Variants in LZTR1 observed in about 807,000 individuals in gnomAD.
The protein encoded by LZTR1 is leucine zipper like post translational regulator 1.
A neutral mutation model predicts 105.7 loss-of-function variants in LZTR1; 260 were observed. The ratio of observed to expected loss-of-function variants is 2.46; its 90% CI spans 2.22 to 2.72. LZTR1 has a LOEUF of 2.72. LZTR1 is among the 30% of genes most tolerant of loss of function. The pLI, the probability that LZTR1 is intolerant of heterozygous loss-of-function variation, is 0.00. For synonymous variants in LZTR1, 490 were observed against 476.4 expected (o/e 1.03, Z -0.37); for missense variants, 1,214 against 1,166.9 (o/e 1.04, Z -0.59).
At chr22:20,984,683 A>G (rs960626539) in intron 2 of LZTR1, among the ~76,000 whole-genome samples, 1 of 151,720 alleles carries the variant, frequency 6.6e-6, no homozygotes, top group Non-Finnish European at 1.5e-5. Context: ...ATGGCCTCAG[A>G]CACAGCCTTT....
In LZTR1 at chr22:20,987,617, G is replaced by A. The variant is rs373503002; in HGVS notation, c.400+34G>A. On this transcript the variant is annotated intron_variant, in intron 4 of 20. Transcript: ENST00000646124. ...CCTCTTGCCTCCCAGGGGCTGTGTC[G>A]CCCCGAGGCCCACAGACACCCTGCC... The A allele has an allele frequency of 5.8e-5, 91 of 1,580,816 alleles. 1 individual carries two copies. Among genetic ancestry groups the A allele is most frequent in the South Asian group, 5.7e-4 (52 of 90,444 alleles).
chr22:20,987,426 G>T, intron 3 of LZTR1, 78 bp from the exon 4 acceptor site: 1 of 778,446 alleles, frequency 1.3e-6, no homozygotes, highest in East Asian at 2.5e-5. Context: ...GCAGCACAGG[G>T]ATGCAGGGCC....
chr22:20,989,831 T>A, intron 7 of LZTR1, 149 bp downstream of exon 7: 1 of 844,308 alleles, frequency 1.2e-6, no homozygotes. Flanking sequence ...GGGTCGAGGC[T>A]GCTTTCTTCC....
rs1384398503 is a variant in LZTR1, at chr22:20,998,877, C to T, written c.*1529C>T. ...CAAGATGTGGCTCCTGCCACACCCACAGGGCAGCCTCCTCCAAATCCCTCC... is the reference window on the plus strand; with the variant it reads ...CAAGATGTGGCTCCTGCCACACCCATAGGGCAGCCTCCTCCAAATCCCTCC... On this transcript the variant is annotated 3_prime_UTR_variant, in exon 21 of 21. Coordinates refer to ENST00000646124, the MANE Select transcript of LZTR1 (RefSeq NM_006767.4). The T allele has an allele frequency of 2.0e-5, 3 of 152,346 alleles. No individual in the cohort carries two copies. The highest frequency in any genetic ancestry group is 4.8e-5 in the African/African-American group (2 of 41,476). 9.4% of individuals were successfully genotyped at this position (152,346 alleles called of 1,614,324 possible). A position where few individuals can be genotyped will look rare whatever the true frequency, so the allele number is the denominator to read the frequency against.
chr22:20,990,027 C>T (rs5752400), intron 7 of LZTR1, among the ~76,000 whole-genome samples: 3,205 of 152,248 alleles, frequency 0.021, 172 homozygotes, highest in East Asian at 0.17. Context: ...CAGTGAGGGC[C>T]GTCTGCTATC....
intron 6 of LZTR1, among the ~76,000 whole-genome samples, chr22:20,989,079 G>A (rs757168801): frequency 1.3e-4 from 20 of 152,202 alleles, no homozygotes; most frequent in Non-Finnish European, 2.6e-4. Context: ...GGAGCCCCGT[G>A]GCTACCAGAG....
rs368206951 is a variant in LZTR1, at chr22:20,994,554, G to C, written c.1616-4G>C. 1.9e-6 allele frequency: 3 copies of C among 1,607,426 alleles called. No homozygotes were observed. Among genetic ancestry groups the C allele is most frequent in the African/African-American group, 2.7e-5 (2 of 74,918 alleles). ...CCCTGAGATTCGGGGGCTCTGGGGC[G>C]CAGGCCATGTGGAGGATGTGCTGCT... On this transcript the variant is annotated splice_polypyrimidine_tract_variant and splice_region_variant and intron_variant, in intron 14 of 20. Transcript: ENST00000646124.
intron 4 of LZTR1, 98 bp from the exon 5 acceptor site, chr22:20,987,912 T>C (rs978631698): frequency 7.9e-6 from 6 of 764,226 alleles, no homozygotes; most frequent in South Asian, 6.5e-5. Context: ...TCCTGGCTTA[T>C]GCATTTTCAG....
chr22:20,997,190 G>A (rs760918621), intron 20 of LZTR1, 42 bp from the exon 21 acceptor site: 42 of 1,378,690 alleles, frequency 3.0e-5, no homozygotes, highest in Non-Finnish European at 3.7e-5. Flanking sequence ...TGGCCCTTAG[G>A]TGGATCTGGT....
rs199765826 is a variant in LZTR1 at position 20,995,997 on chromosome 22, G to T, written c.2104G>T (p.Glu702Ter). 3 of 1,613,742 alleles carry T rather than the reference G, an allele frequency of 1.9e-6. No homozygotes were observed. The highest frequency in any genetic ancestry group is 1.3e-5 in the African/African-American group (1 of 75,028). ...AGCCATGTTCCGGTCCTTCATGCCC[G>T]AAGATGGGCAGGTGAACATCTCCAT... Reference protein sequence around the residue: ...FEAMFRSFMPEDGQVNISIGE... With the variant: ...FEAMFRSFMP Residue 702 changes from glutamate (E) to a stop codon, truncating the protein, a stop_gained, in exon 18 of 21, where the codon GAA becomes TAA. Transcript: ENST00000646124. LOFTEE classifies it high-confidence loss of function.
chr22:20,994,737 G>T lies in LZTR1; in HGVS notation c.1785+10G>T, dbSNP rs1924763204. The T allele has an allele frequency of 1.2e-6, 2 of 1,610,862 alleles. No homozygotes were observed. Among genetic ancestry groups the T allele is most frequent in the Non-Finnish European group, 1.7e-6 (2 of 1,179,898 alleles). On this transcript the variant is annotated intron_variant, in intron 15 of 20. Coordinates refer to ENST00000646124, the MANE Select transcript of LZTR1 (RefSeq NM_006767.4). ...GCTGAGCCAACTCAAGGTGTGGGGT[G>T]GGGTCAGCGCAATCAGGGTTGGGTG...
At chr22:20,995,392 C>G (rs763900083) in intron 16 of LZTR1, 84 of 611,254 alleles carry the variant, frequency 1.4e-4, no homozygotes, top group South Asian at 1.2e-3. Context: ...CCAGCTCTCC[C>G]TGGGGCTTGT....
intron 16 of LZTR1, 163 bp downstream of exon 16, chr22:20,995,189 G>A (rs1249404182): frequency 7.6e-6 from 6 of 791,916 alleles, no homozygotes; most frequent in African/African-American, 3.4e-5. Context: ...ACAGATGAAG[G>A]CAGAAGCCCC....
rs1924632209 is a variant in LZTR1 at position 20,992,251 on chromosome 22, C to A, written c.1031C>A (p.Ser344Tyr). ...GAEVPERACA[S>Y]EEVPTLTYEE... Reference sequence around the variant, plus strand: ...GAAGTGCCCGAGCGAGCCTGTGCTTCCGAGGAGGTGCCCACCCTGACCTAT... The same window carrying A: ...GAAGTGCCCGAGCGAGCCTGTGCTTACGAGGAGGTGCCCACCCTGACCTAT... The change falls in exon 10 of 21, where the codon TCC becomes TAC. Residue 344 changes from serine to tyrosine, a missense_variant. Ser to Tyr is a moderately radical substitution (Grantham distance 144, BLOSUM62 -2). Transcript: ENST00000646124. The A allele has an allele frequency of 6.2e-7, 1 of 1,613,868 alleles. No individual in the cohort carries two copies. The highest frequency in any genetic ancestry group is 8.5e-7 in the Non-Finnish European group (1 of 1,179,968).
intron 3 of LZTR1, chr22:20,986,728 ATAGG>A (rs1431464788): frequency 6.6e-6 from 1 of 152,142 alleles, no homozygotes; most frequent in African/African-American, 2.4e-5. Context: ...TTGATAGATG[ATAGG>A]TAGATAGATA....
intron 3 of LZTR1, chr22:20,986,456 T>TGACA (rs1924388891): frequency 6.6e-6 from 1 of 151,358 alleles, no homozygotes; most frequent in African/African-American, 2.4e-5. Flanking sequence ...CAAAGAGAGA[T>TGACA]GATAGATAGA....
rs764439278 is a variant in LZTR1, at chr22:20,982,394, G to C, written c.23G>C (p.Gly8Ala). The C allele has an allele frequency of 3.3e-5, 51 of 1,560,054 alleles. No homozygotes were observed. In the Middle Eastern group the frequency reaches 5.0e-4, roughly 15 times the overall value. ...GGGATGGCTGGACCGGGCAGCACGG[G>C]GGGGCAGATCGGGGCTGCGGCCCTG... MAGPGST[G>A]GQIGAAALAG... Residue 8 changes from glycine (G) to alanine (A), a missense_variant, in exon 1 of 21, where the codon GGG becomes GCG. Gly to Ala is a moderately conservative substitution (Grantham distance 60). Transcript: ENST00000646124.
rs1477219115 is a variant in LZTR1 at position 20,988,011 on chromosome 22, G to A, written c.402G>A (p.Gly134=). Residue 134 remains glycine (G), a splice_region_variant and synonymous_variant, in exon 5 of 21, where the codon GGG becomes GGA. Transcript: ENST00000646124. ...VVYGSSMFVF[G]GYTGDIYSNS... ...CAGTTTCTCACTCTCTTTACTCAGG[G>A]GGTTACACTGGGGACATTTATTCCA... The A allele has an allele frequency of 5.1e-6, 8 of 1,578,124 alleles. No individual in the cohort carries two copies. The highest frequency in any genetic ancestry group is 4.5e-5 in the East Asian group (2 of 44,728).
chr22:20,982,356 C>A lies in LZTR1; in HGVS notation c.-16C>A. 6.5e-7 allele frequency: 1 copy of A among 1,541,246 alleles called. No individual in the cohort carries two copies. The highest frequency in any genetic ancestry group is 8.8e-7 in the Non-Finnish European group (1 of 1,141,390). ...AAGTTGGGCTTACAGCGCGGCCGATCCGGCGTGGACCCGGGATGGCTGGAC... is the reference window on the plus strand; with the variant it reads ...AAGTTGGGCTTACAGCGCGGCCGATACGGCGTGGACCCGGGATGGCTGGAC... On this transcript the variant is annotated 5_prime_UTR_variant, in exon 1 of 21. Transcript: ENST00000646124.
Sources: gnomAD v4.1 joint callset for allele counts (sites outside exome capture counted in the v4.1 genomes callset) on GRCh38, gnomAD v4.1.1 for gene constraint, MANE v1.5 for transcripts, NCBI Gene and HGNC (gene_info 2026-07-23, HGNC 2026-07-21) for gene names.